Variants in RIN3 observed in about 807,000 individuals in gnomAD.
RIN3 encodes RAB5 interacting protein 3.
Under a neutral mutation model 76.3 loss-of-function variants are expected in RIN3, and 54 were observed. The observed-to-expected ratio is 0.71, with a 90% CI of 0.57 to 0.89. The LOEUF is 0.89. RIN3 is among the 40% of genes least tolerant of loss of function. RIN3 has a pLI of 0.00. For synonymous variants in RIN3, 576 were observed against 564.0 expected, an observed-to-expected ratio of 1.02 and a Z score of -0.30; for missense variants, 1,256 against 1,322.1, an observed-to-expected ratio of 0.95 and a Z score of 0.78.
intron 3 of RIN3, among the ~76,000 whole-genome samples, chr14:92,613,346 C>G (rs1885820334): frequency 1.3e-5 from 2 of 152,204 alleles, no homozygotes; most frequent in African/African-American, 4.8e-5. Context: ...TAGGGTCTTT[C>G]AGACTTAAGT....
chr14:92,639,731 CCTT>C (rs1057257763), intron 4 of RIN3, among the ~76,000 whole-genome samples: 7 of 152,198 alleles, frequency 4.6e-5, no homozygotes, highest in Non-Finnish European at 4.4e-5. Flanking sequence ...AGTCCGAACT[CCTT>C]CTGGGAGATC....
intron 4 of RIN3, among the ~76,000 whole-genome samples, chr14:92,624,340 T>C (rs1023440756): frequency 3.9e-4 from 60 of 152,218 alleles, no homozygotes; most frequent in Non-Finnish European, 5.9e-5. Flanking sequence ...TTACATCTGC[T>C]CCCATACCAT....
At position 92,514,474 on chromosome 14, in the gene RIN3, C is replaced by A. The variant is rs1266430186; in HGVS notation, c.44+498C>A. Among the ~76,000 whole-genome samples, 1 of 152,230 alleles carries A rather than the reference C, an allele frequency of 6.6e-6. No individual in the cohort carries two copies. The highest frequency in any genetic ancestry group is 1.5e-5 in the Non-Finnish European group (1 of 68,034). ...CCGGACCCCCGCAACTTTGGGTGCC[C>A]GCGGCCCAACAGCTGACCGGCCCTC... is the stretch of plus-strand genomic sequence containing the variant. On this transcript the variant is annotated intron_variant, in intron 1 of 9. Coordinates refer to ENST00000216487, the MANE Select transcript of RIN3 (RefSeq NM_024832.5). This position sits in a 1 kb window ranked among gnomAD's most constrained non-coding sequence, Gnocchi z 7.2.
chr14:92,646,807 C>T lies in RIN3; in HGVS notation c.533-4775C>T, dbSNP rs553957633. Among the ~76,000 whole-genome samples the T allele has an allele frequency of 3.3e-5, 5 of 152,288 alleles. No homozygotes were observed. In the East Asian group the frequency reaches 9.6e-4, roughly 29 times the overall value. ...GGATGAAAACCACATATAATCTCACCCCTGCTGCAAGTTCAGGGTGTGTTT... is the reference window on the plus strand; with the variant it reads ...GGATGAAAACCACATATAATCTCACTCCTGCTGCAAGTTCAGGGTGTGTTT... On this transcript the variant is annotated intron_variant, in intron 5 of 9. Coordinates refer to ENST00000216487, the MANE Select transcript of RIN3 (RefSeq NM_024832.5).
At chr14:92,624,041 A>T (rs1421848296) in intron 4 of RIN3, among the ~76,000 whole-genome samples, 2 of 152,226 alleles carry the variant, frequency 1.3e-5, no homozygotes, top group African/African-American at 4.8e-5. Flanking sequence ...TGGAAAGGGG[A>T]CGACTTGGGC....
Position 92,513,918 on chromosome 14 carries a change from G to A in RIN3, c.-15G>A. 2 of 1,250,296 alleles carry A rather than the reference G, an allele frequency of 1.6e-6. No individual in the cohort carries two copies. The highest frequency in any genetic ancestry group is 2.0e-6 in the Non-Finnish European group (2 of 997,520). 77.5% of individuals were successfully genotyped at this position (1,250,296 alleles called of 1,614,324 possible). A position where few individuals can be genotyped will look rare whatever the true frequency, so the allele number is the denominator to read the frequency against. On this transcript the variant is annotated 5_prime_UTR_variant, in exon 1 of 10. Transcript: ENST00000216487. Reference sequence around the variant, plus strand: ...CCTGAGCGCCTCCGTTCCCCGTCCCGGAGCTGCCGGCGGCATGATCCGACA... The same window carrying A: ...CCTGAGCGCCTCCGTTCCCCGTCCCAGAGCTGCCGGCGGCATGATCCGACA...
chr14:92,633,660 T>A lies in RIN3; in HGVS notation c.441-7578T>A, dbSNP rs74679460. On this transcript the variant is annotated intron_variant, in intron 4 of 9. Transcript: ENST00000216487. The stretch of plus-strand genomic sequence containing the variant: ...TAATTAGTGTCAGAATTGAGCTGAA[T>A]TGTTGTATACCCAGTTGGTGTCTGG... Among the ~76,000 whole-genome samples the A allele has an allele frequency of 8.4e-3, 1,275 of 152,300 alleles. 18 individuals are homozygous for A. The highest frequency in any genetic ancestry group is 0.029 in the African/African-American group (1,207 of 41,558).
At chr14:92,604,849 G>A (rs8003706) in intron 3 of RIN3, among the ~76,000 whole-genome samples, 15,301 of 147,400 alleles carry the variant, frequency 0.1, 978 homozygotes, top group Middle Eastern at 0.2. Flanking sequence ...CCCATATACC[G>A]GCAGATTCCC....
intron 3 of RIN3, among the ~76,000 whole-genome samples, chr14:92,590,706 GA>G (rs1884949802): frequency 6.6e-6 from 1 of 152,140 alleles, no homozygotes; most frequent in African/African-American, 2.4e-5. Context: ...CTGGGAAAGG[GA>G]AATACCCAAC....
chr14:92,580,765 C>G (rs1455248236), intron 3 of RIN3, among the ~76,000 whole-genome samples: 1 of 152,198 alleles, frequency 6.6e-6, no homozygotes, highest in Non-Finnish European at 1.5e-5. Context: ...ATGGAGAAGG[C>G]TTGTGGTCCC....
chr14:92,544,029 C>T (rs1897189060), intron 1 of RIN3, among the ~76,000 whole-genome samples: 1 of 152,126 alleles, frequency 6.6e-6, no homozygotes. Context: ...ACCCCCCCAT[C>T]TCATTTAGTA....
chr14:92,604,543 G>A (rs979436113), intron 3 of RIN3, among the ~76,000 whole-genome samples: 2 of 152,060 alleles, frequency 1.3e-5, no homozygotes, highest in Non-Finnish European at 1.5e-5. Flanking sequence ...TGAGCCCTCC[G>A]AAAGGTCAGA....
At chr14:92,635,098 G>A (rs1224760820) in intron 4 of RIN3, among the ~76,000 whole-genome samples, 1 of 152,174 alleles carries the variant, frequency 6.6e-6, no homozygotes, top group Non-Finnish European at 1.5e-5. Context: ...CACCCTATCT[G>A]GAGGTTTTTC....
chr14:92,537,015 T>C (rs1299558068), intron 1 of RIN3, among the ~76,000 whole-genome samples: 1 of 152,072 alleles, frequency 6.6e-6, no homozygotes, highest in African/African-American at 2.4e-5. Flanking sequence ...AATATATATA[T>C]ATATAATGAA....
intron 1 of RIN3, among the ~76,000 whole-genome samples, chr14:92,545,203 G>A (rs982461891): frequency 4.9e-5 from 7 of 143,056 alleles, no homozygotes; most frequent in African/African-American, 1.0e-4. Context: ...TCCGCCTCCC[G>A]GGTTCATGCC....
intron 4 of RIN3, among the ~76,000 whole-genome samples, chr14:92,618,661 A>T (rs542281419): frequency 1.3e-5 from 2 of 152,308 alleles, no homozygotes; most frequent in Non-Finnish European, 2.9e-5. Flanking sequence ...AATTGAATGA[A>T]ATCCCTTTGT....
intron 9 of RIN3, chr14:92,687,645 G>A (rs991243922): frequency 2.3e-5 from 11 of 478,096 alleles, no homozygotes; most frequent in African/African-American, 4.2e-5. Context: ...TGGGGAGCCT[G>A]TGGACCAGCA....
intron 1 of RIN3, among the ~76,000 whole-genome samples, chr14:92,553,210 C>T (rs1159582339): frequency 2.0e-5 from 3 of 152,094 alleles, no homozygotes; most frequent in African/African-American, 4.8e-5. Context: ...GCTGATTGCC[C>T]TCAATCCCTG....
intron 1 of RIN3, among the ~76,000 whole-genome samples, chr14:92,517,373 G>A (rs1389369482): frequency 2.0e-5 from 3 of 152,118 alleles, no homozygotes; most frequent in Non-Finnish European, 4.4e-5. Flanking sequence ...TACAGAAGAG[G>A]GGCAAAAGTA....
Sources: allele counts gnomAD v4.1 joint callset (sites outside exome capture counted in the v4.1 genomes callset), GRCh38; gene constraint gnomAD v4.1.1; non-coding constraint Gnocchi (gnomAD v3.1); transcripts MANE v1.5; gene names NCBI Gene and HGNC (gene_info 2026-07-23, HGNC 2026-07-21).